The following EPHA6 variants were observed in gnomAD, a reference collection of about 807,000 sequenced individuals.
The protein encoded by EPHA6 is EPH receptor A6.
A neutral mutation model predicts 112.0 loss-of-function variants in EPHA6; 50 were observed. That is an observed-to-expected ratio of 0.45 (90% CI 0.36 to 0.56). EPHA6 has a LOEUF of 0.56. Among genes scored for constraint, EPHA6 ranks in the 20% least tolerant of loss-of-function variants. EPHA6 has a pLI of 0.00. For missense variants in EPHA6, 1,280 were observed against 1,417.4 expected (o/e 0.90, Z 1.56); for synonymous variants, 529 against 490.7 (o/e 1.08, Z -1.03).
At chr3:96,856,096 C>T (rs570625385) in intron 1 of EPHA6, among the ~76,000 whole-genome samples, 91 of 152,062 alleles carry the variant, frequency 6.0e-4, no homozygotes, top group Middle Eastern at 3.4e-3. Flanking sequence ...AAACATTAGC[C>T]GGGCATGATG....
At chr3:97,487,222 T>C (rs1358084987) in intron 10 of EPHA6, among the ~76,000 whole-genome samples, 1 of 152,222 alleles carries the variant, frequency 6.6e-6, no homozygotes, top group Admixed American at 6.5e-5. Context: ...CTCTGTCTCT[T>C]ATAGATGCAA....
rs974966062 is a variant in EPHA6, at chr3:97,294,166, C to T, written c.1606+49879C>T. On this transcript the variant is annotated intron_variant, in intron 5 of 17. Transcript: ENST00000389672. ...CCACAGCTGGGCAGCTGCAGCTGCA[C>T]GTGGGAGCGCAGGGCTCCTGCTGTG... Among the ~76,000 whole-genome samples the T allele has an allele frequency of 3.3e-5, 5 of 152,204 alleles. No homozygotes were observed. In the East Asian group the frequency reaches 5.8e-4, roughly 18 times the overall value.
intron 8 of EPHA6, 132 bp from the exon 9 acceptor site, chr3:97,479,162 C>T (rs774358597): frequency 2.6e-5 from 14 of 539,640 alleles, no homozygotes; most frequent in African/African-American, 3.8e-5. Context: ...AATATTTTCA[C>T]GTTATAAAGA....
chr3:97,287,157 A>C (rs940286), intron 5 of EPHA6, among the ~76,000 whole-genome samples: 34,263 of 151,998 alleles, frequency 0.23, 9,066 homozygotes, highest in African/African-American at 0.63. Flanking sequence ...GTGTTTAGGT[A>C]TTTTTATATG....
At chr3:97,181,552 T>A (rs901098799) in intron 3 of EPHA6, among the ~76,000 whole-genome samples, 1 of 151,802 alleles carries the variant, frequency 6.6e-6, no homozygotes, top group Non-Finnish European at 1.5e-5. Flanking sequence ...TGTTAGTTCT[T>A]AAGGATATCA....
intron 5 of EPHA6, among the ~76,000 whole-genome samples, chr3:97,272,421 ACAT>A (rs781150249): frequency 1.1e-4 from 17 of 152,126 alleles, no homozygotes; most frequent in Non-Finnish European, 8.8e-5. Flanking sequence ...CATTGTGTGA[ACAT>A]CATCATTTAG....
At chr3:97,418,663 C>T (rs1250793174) in intron 6 of EPHA6, among the ~76,000 whole-genome samples, 3 of 151,818 alleles carry the variant, frequency 2.0e-5, no homozygotes, top group African/African-American at 7.3e-5. Context: ...CACTCAAAGA[C>T]CTACCATAAA....
At position 96,987,759 on chromosome 3, in the gene EPHA6, G is replaced by C; in HGVS notation, c.880G>C (p.Val294Leu). 6.2e-7 allele frequency: 1 copy of C among 1,613,822 alleles called. No homozygotes were observed. The highest frequency in any genetic ancestry group is 8.5e-7 in the Non-Finnish European group (1 of 1,179,858). Residue 294 changes from valine to leucine, a missense_variant, in exon 3 of 18, where the codon GTC becomes CTC. Coordinates refer to ENST00000389672, the MANE Select transcript of EPHA6 (RefSeq NM_001080448.3). The part of the protein sequence containing the change: ...DIGACIALVS[V>L]RVFYKKCPFT... ...TGGGGCGTGCATTGCCCTGGTTTCA[G>C]TCCGTGTTTTCTACAAGAAATGCCC...
At chr3:96,942,778 T>C (rs1465519485) in intron 2 of EPHA6, among the ~76,000 whole-genome samples, 1 of 152,204 alleles carries the variant, frequency 6.6e-6, no homozygotes, top group East Asian at 1.9e-4. Context: ...TGGTTTTAAG[T>C]TCAAGTTTAA....
At chr3:96,821,676 G>C (rs2033268429) in intron 1 of EPHA6, among the ~76,000 whole-genome samples, 1 of 151,704 alleles carries the variant, frequency 6.6e-6, no homozygotes, top group Non-Finnish European at 1.5e-5. Context: ...TAATAATCAA[G>C]TATAAAAGCT....
chr3:97,405,632 A>G (rs1447747894), intron 6 of EPHA6, among the ~76,000 whole-genome samples: 1 of 152,136 alleles, frequency 6.6e-6, no homozygotes, highest in East Asian at 1.9e-4. Flanking sequence ...TTAATATTGA[A>G]TTACTATAAC....
intron 3 of EPHA6, among the ~76,000 whole-genome samples, chr3:97,089,630 A>G (rs796124308): frequency 1.3e-5 from 2 of 152,162 alleles, no homozygotes; most frequent in African/African-American, 4.8e-5. Flanking sequence ...AAAACGATCT[A>G]TGCCTGTTCT....
intron 13 of EPHA6, among the ~76,000 whole-genome samples, chr3:97,636,224 A>G (rs888201972): frequency 6.6e-6 from 1 of 152,096 alleles, no homozygotes. Flanking sequence ...CCATTTTTGA[A>G]TAGGTAAAAA....
intron 2 of EPHA6, among the ~76,000 whole-genome samples, chr3:96,945,988 G>A (rs967852072): frequency 6.6e-6 from 1 of 151,974 alleles, no homozygotes; most frequent in East Asian, 1.9e-4. Context: ...TGCTCTGCTT[G>A]TTCATCCCTC....
chr3:97,096,032 G>A (rs2047224739), intron 3 of EPHA6, among the ~76,000 whole-genome samples: 1 of 151,904 alleles, frequency 6.6e-6, no homozygotes, highest in Admixed American at 6.6e-5. Context: ...AGGGATGGTG[G>A]ATAAGACACA....
At chr3:97,227,403 T>G (rs2078393085) in intron 4 of EPHA6, among the ~76,000 whole-genome samples, 1 of 152,078 alleles carries the variant, frequency 6.6e-6, no homozygotes, top group Admixed American at 6.5e-5. Context: ...ATATTTTTAG[T>G]AGAGATGGGG....
At chr3:97,484,243 A>G (rs2091641889) in intron 10 of EPHA6, among the ~76,000 whole-genome samples, 184 bp downstream of exon 10, 1 of 152,226 alleles carries the variant, frequency 6.6e-6, no homozygotes, top group African/African-American at 2.4e-5. Context: ...TTTCCAAACA[A>G]TGACAACATT....
At chr3:97,167,966 T>C (rs1050937102) in intron 3 of EPHA6, among the ~76,000 whole-genome samples, 3 of 152,042 alleles carry the variant, frequency 2.0e-5, no homozygotes, top group African/African-American at 7.2e-5. Flanking sequence ...TTCTCTTTGA[T>C]TCCATAACTA....
At chr3:97,056,083 G>A (rs2045841988) in intron 3 of EPHA6, among the ~76,000 whole-genome samples, 1 of 152,058 alleles carries the variant, frequency 6.6e-6, no homozygotes, top group Admixed American at 6.6e-5. Flanking sequence ...CATCATTCCA[G>A]TACCTTGATG....
Sources: gnomAD v4.1 joint callset for allele counts (sites outside exome capture counted in the v4.1 genomes callset) on GRCh38, gnomAD v4.1.1 for gene constraint, MANE v1.5 for transcripts, NCBI Gene and HGNC (gene_info 2026-07-23, HGNC 2026-07-21) for gene names.